Variants in KSR2 observed in about 807,000 individuals in gnomAD.
KSR2 encodes kinase suppressor of ras 2.
KSR2 carries 25 observed loss-of-function variants against 107.8 expected under a neutral mutation model. The ratio of observed to expected loss-of-function variants is 0.23; its 90% CI spans 0.17 to 0.32. The LOEUF is 0.32. KSR2 is among the 10% of genes least tolerant of loss of function. KSR2 has a pLI of 1.00. For synonymous variants in KSR2, 480 were observed against 507.0 expected, an observed-to-expected ratio of 0.95 and a Z score of 0.71; for missense variants, 887 against 1,268.9, an observed-to-expected ratio of 0.70 and a Z score of 4.57.
At chr12:117,750,845 T>G (rs1053305177) in intron 4 of KSR2, among the ~76,000 whole-genome samples, 1 of 152,214 alleles carries the variant, frequency 6.6e-6, no homozygotes, top group East Asian at 1.9e-4. Context: ...ATTTTGTTCT[T>G]TTTATGGCTG....
intron 3 of KSR2, among the ~76,000 whole-genome samples, chr12:117,801,542 A>G (rs1890833325): frequency 6.6e-6 from 1 of 152,152 alleles, no homozygotes; most frequent in African/African-American, 2.4e-5. Context: ...GCCTCAGGAA[A>G]CTTACAATCC....
At chr12:117,929,779 T>C (rs1227020949) in intron 1 of KSR2, among the ~76,000 whole-genome samples, 1 of 152,194 alleles carries the variant, frequency 6.6e-6, no homozygotes, top group African/African-American at 2.4e-5. Context: ...TACTGTTTAA[T>C]TCCATTCACA....
intron 13 of KSR2, 78 bp from the exon 14 acceptor site, chr12:117,525,297 T>C: frequency 6.9e-7 from 1 of 1,452,560 alleles, no homozygotes; most frequent in East Asian, 2.5e-5. Context: ...CTGGGTCCCG[T>C]GCACATGCGT....
chr12:117,748,264 GA>G (rs1462631786), intron 4 of KSR2, among the ~76,000 whole-genome samples: 1 of 152,178 alleles, frequency 6.6e-6, no homozygotes, highest in Non-Finnish European at 1.5e-5. Flanking sequence ...GTAGAGAATA[GA>G]ATGGTGGTTA....
intron 4 of KSR2, among the ~76,000 whole-genome samples, chr12:117,681,982 A>G (rs1354179552): frequency 6.6e-6 from 1 of 152,248 alleles, no homozygotes; most frequent in African/African-American, 2.4e-5. Context: ...TGTTCACTAC[A>G]GCACTATTCA....
chr12:117,691,240 G>C (rs974938119), intron 4 of KSR2, among the ~76,000 whole-genome samples: 2 of 152,156 alleles, frequency 1.3e-5, no homozygotes, highest in Non-Finnish European at 2.9e-5. Context: ...TGGAATCCAG[G>C]GTAACGGGCA....
chr12:117,531,633 G>A, intron 11 of KSR2, 33 bp downstream of exon 11: 2 of 1,595,632 alleles, frequency 1.3e-6, no homozygotes, highest in Non-Finnish European at 1.7e-6. Flanking sequence ...GGCTTGTTCA[G>A]AAGGGGCTGC....
intron 3 of KSR2, among the ~76,000 whole-genome samples, chr12:117,839,266 T>C (rs1335704392): frequency 6.6e-6 from 1 of 152,218 alleles, no homozygotes; most frequent in Non-Finnish European, 1.5e-5. Context: ...CAATGATACT[T>C]TTGCAACCAT....
In KSR2 at chr12:117,735,416, C is replaced by T. The variant is rs569644002; in HGVS notation, c.986+25595G>A. 1.1e-3 allele frequency among the ~76,000 whole-genome samples: 172 copies of T among 152,216 alleles called. 1 individual carries two copies. Among genetic ancestry groups the T allele is most frequent in the African/African-American group, 3.8e-3 (156 of 41,532 alleles). Reference sequence around the variant, plus strand: ...AGGGAGGAGAAGCAAGAACTCAACACGATTATCACAAAGAAAGATAAAAAG... The same window carrying T: ...AGGGAGGAGAAGCAAGAACTCAACATGATTATCACAAAGAAAGATAAAAAG... On this transcript the variant is annotated intron_variant, in intron 4 of 19. Transcript: ENST00000339824.
At chr12:117,848,817 TGGGTGGTG>T (rs1892800521) in intron 3 of KSR2, among the ~76,000 whole-genome samples, 1 of 144,696 alleles carries the variant, frequency 6.9e-6, no homozygotes, top group East Asian at 2.0e-4. Context: ...GTGATGGTGG[TGGGTGGTG>T]ATGGTGGTAG....
At chr12:117,471,407 C>T in intron 17 of KSR2, 87 bp from the exon 18 acceptor site, 13 of 1,443,446 alleles carry the variant, frequency 9.0e-6, no homozygotes, top group Non-Finnish European at 1.2e-5. Context: ...CCCACCCAGC[C>T]AGTCTCCTGG....
intron 1 of KSR2, among the ~76,000 whole-genome samples, chr12:117,938,749 TAAAC>T (rs1028570447): frequency 6.6e-6 from 1 of 152,058 alleles, no homozygotes; most frequent in Non-Finnish European, 1.5e-5. Context: ...AAACTGTCTC[TAAAC>T]AAACAAACAA....
chr12:117,954,122 G>A (rs950477541), intron 1 of KSR2, among the ~76,000 whole-genome samples: 3 of 152,166 alleles, frequency 2.0e-5, no homozygotes, highest in South Asian at 2.1e-4. Context: ...TAAATTTTAT[G>A]TATGTTTTCC....
chr12:117,777,684 C>G (rs570319375), intron 3 of KSR2, among the ~76,000 whole-genome samples: 1 of 152,272 alleles, frequency 6.6e-6, no homozygotes, highest in East Asian at 1.9e-4. Flanking sequence ...GAAGGCAGAG[C>G]CCTGGACTCA....
At chr12:117,471,578 C>G (rs2137115645) in intron 17 of KSR2, among the ~76,000 whole-genome samples, 1 of 152,136 alleles carries the variant, frequency 6.6e-6, no homozygotes, top group South Asian at 2.1e-4. Context: ...CCTGATTCTA[C>G]TTGCAATGAT....
intron 1 of KSR2, among the ~76,000 whole-genome samples, chr12:117,918,156 A>G (rs1447050187): frequency 6.6e-6 from 1 of 152,256 alleles, no homozygotes; most frequent in Non-Finnish European, 1.5e-5. Flanking sequence ...GCCAACAGGC[A>G]GTTGCCTTTC....
At chr12:117,936,161 G>A (rs1895830456) in intron 1 of KSR2, among the ~76,000 whole-genome samples, 1 of 151,880 alleles carries the variant, frequency 6.6e-6, no homozygotes, top group South Asian at 2.1e-4. Context: ...TCAGCCTCCT[G>A]AGTAGTTGGG....
At chr12:117,816,674 A>G (rs925208259) in intron 3 of KSR2, among the ~76,000 whole-genome samples, 9 of 152,280 alleles carry the variant, frequency 5.9e-5, no homozygotes, top group East Asian at 3.9e-4. Context: ...CCTTAAGGGC[A>G]TGGTCATCCT....
chr12:117,555,209 T>C lies in KSR2; in HGVS notation c.1478A>G (p.His493Arg), dbSNP rs1221987081. 6.2e-7 allele frequency: 1 copy of C among 1,613,976 alleles called. No individual in the cohort carries two copies. The highest frequency in any genetic ancestry group is 8.5e-7 in the Non-Finnish European group (1 of 1,179,888). Residue 493 changes from histidine (H) to arginine (R), a missense_variant, in exon 9 of 20, where the codon CAC becomes CGC. His to Arg is a conservative substitution (Grantham distance 29). This residue lies in a region of KSR2 where 60 missense variants were observed against 77.5 expected (regional missense o/e 0.77). Coordinates refer to ENST00000339824, the MANE Select transcript of KSR2 (RefSeq NM_173598.6). ...GGTTTTGGGGAGCGTCTGACTGATG[T>C]GCAGGTCTGAATAGCGAGGTGGCTT... ...LRKPPRYSDLHISQTLPKTNK... is the reference protein window; with the variant it reads ...LRKPPRYSDLRISQTLPKTNK...
Sources: allele counts gnomAD v4.1 joint callset (sites outside exome capture counted in the v4.1 genomes callset), GRCh38; gene constraint gnomAD v4.1.1; regional missense constraint gnomAD v4.1.1; transcripts MANE v1.5; gene names NCBI Gene and HGNC (gene_info 2026-07-23, HGNC 2026-07-21).